The following NINL variants were observed in gnomAD, a reference collection of about 807,000 sequenced individuals.
The protein encoded by NINL is ninein like.
A neutral mutation model predicts 160.3 loss-of-function variants in NINL; 153 were observed. The ratio of observed to expected loss-of-function variants is 0.95; its 90% CI spans 0.84 to 1.09. The LOEUF (loss-of-function observed/expected upper bound fraction) is 1.09. Among genes scored for constraint, NINL ranks in the 50% least tolerant of loss-of-function variants. The probability of loss-of-function intolerance (pLI) is 0.00; values close to 1 mark genes in which losing one functional copy is unlikely to be tolerated. For missense variants in NINL, 1,829 were observed against 1,764.0 expected (o/e 1.04, Z -0.66); for synonymous variants, 800 against 734.8 (o/e 1.09, Z -1.43).
chr20:25,548,988 G>A (rs73597816), intron 1 of NINL, among the ~76,000 whole-genome samples: 4,604 of 50,724 alleles, frequency 0.091, 453 homozygotes, highest in African/African-American at 0.22. Flanking sequence ...AACCTCCTAC[G>A]CCCAGCCTCA....
Position 25,498,168 on chromosome 20 carries a change from C to T in NINL, c.1169+42G>A, listed in dbSNP as rs771682503. On this transcript the variant is annotated intron_variant, in intron 9 of 23. Coordinates refer to ENST00000278886, the MANE Select transcript of NINL (RefSeq NM_025176.6). ...AGACCCCCCTCCAGGCCCACCTGGCCAGCCACACTGCCACGTTCCCCAGTC... is the reference window on the plus strand; with the variant it reads ...AGACCCCCCTCCAGGCCCACCTGGCTAGCCACACTGCCACGTTCCCCAGTC... 1.9e-6 allele frequency: 3 copies of T among 1,606,892 alleles called. No homozygotes were observed. The East Asian group carries it at 6.7e-5, about 36-fold the overall frequency.
chr20:25,524,481 A>G (rs1161241840), intron 2 of NINL, among the ~76,000 whole-genome samples: 1 of 152,194 alleles, frequency 6.6e-6, no homozygotes, highest in African/African-American at 2.4e-5. Context: ...CTGAGTCAGA[A>G]AGGGCCCGGC....
chr20:25,520,859 G>A lies in NINL; in HGVS notation c.181-3010C>T, dbSNP rs1166328080. Among the ~76,000 whole-genome samples, 4 of 152,176 alleles carry A rather than the reference G, an allele frequency of 2.6e-5. No individual in the cohort carries two copies. In the East Asian group the frequency reaches 7.7e-4, roughly 29 times the overall value. On this transcript the variant is annotated intron_variant, in intron 2 of 23. Coordinates refer to ENST00000278886, the MANE Select transcript of NINL (RefSeq NM_025176.6). ...TGAGATCATTATAGATCCATATGCA[G>A]TTATAAGAAAAATACAAAGAGATCC...
At chr20:25,507,923 C>T (rs756103161) in intron 5 of NINL, among the ~76,000 whole-genome samples, 4 of 152,186 alleles carry the variant, frequency 2.6e-5, no homozygotes, top group African/African-American at 7.2e-5. Flanking sequence ...TGTGCACTAC[C>T]GTCTGTCAGC....
chr20:25,561,911 C>A (rs1387436105), intron 1 of NINL, among the ~76,000 whole-genome samples: 3 of 149,508 alleles, frequency 2.0e-5, no homozygotes, highest in Admixed American at 6.6e-5. Context: ...TGGGGGTCAG[C>A]CCCCGCCAGG....
At chr20:25,562,134 C>T (rs1464080931) in intron 1 of NINL, among the ~76,000 whole-genome samples, 1 of 145,160 alleles carries the variant, frequency 6.9e-6, no homozygotes, top group Non-Finnish European at 1.5e-5. Flanking sequence ...GGGGTGTCAG[C>T]CCCCCGCCAG....
intron 1 of NINL, among the ~76,000 whole-genome samples, chr20:25,526,911 A>G (rs1430195711): frequency 2.0e-5 from 3 of 152,180 alleles, no homozygotes; most frequent in Non-Finnish European, 4.4e-5. Context: ...CACGCTTGTA[A>G]TCCCAACACT....
intron 1 of NINL, among the ~76,000 whole-genome samples, chr20:25,553,236 G>A (rs551062705): frequency 2.2e-4 from 33 of 150,722 alleles, no homozygotes; most frequent in African/African-American, 8.0e-4. Context: ...CCAAGTGGGT[G>A]GGACTACAGG....
rs71185304 is a variant in NINL at position 25,542,697 on chromosome 20, TAAAAAAAAAAAAAAAAAAAAAAAAAAA to T, written c.-11-16126_-11-16100del. Among the ~76,000 whole-genome samples, 39 of 51,396 alleles carry T rather than the reference TAAAAAAAAAAAAAAAAAAAAAAAAAAA, an allele frequency of 7.6e-4. 1 individual carries two copies. The highest frequency in any genetic ancestry group is 2.7e-3 in the African/African-American group (32 of 11,692). The allele number at this position is 51,396 out of a possible 152,430, so 33.7% of individuals were successfully genotyped here. On this transcript the variant is annotated intron_variant, in intron 1 of 23. Coordinates refer to ENST00000278886, the MANE Select transcript of NINL (RefSeq NM_025176.6). ...ACTTCTCTAATAAACTTGCTTTCAC[TAAAAAAAAAAAAAAAAAAAAAAAAAAA>T]AAAAAAAAAAAAAAAAAAAAAAAAG...
intron 10 of NINL, among the ~76,000 whole-genome samples, chr20:25,495,494 G>C (rs2063734153): frequency 6.6e-6 from 1 of 152,190 alleles, no homozygotes. Context: ...TGCAGACCAA[G>C]AACCCAAGGG....
intron 14 of NINL, 121 bp from the exon 15 acceptor site, chr20:25,480,388 G>A (rs2063362614): frequency 4.3e-6 from 3 of 704,456 alleles, no homozygotes; most frequent in South Asian, 3.3e-5. Context: ...CTGGCTGTGA[G>A]GATGACGCTG....
chr20:25,482,926 A>G (rs868720431), intron 13 of NINL, among the ~76,000 whole-genome samples: 22 of 151,466 alleles, frequency 1.5e-4, no homozygotes, highest in African/African-American at 4.2e-4. Flanking sequence ...TGGGAGGCTG[A>G]GGCAGGAGAG....
intron 1 of NINL, among the ~76,000 whole-genome samples, chr20:25,543,639 G>C (rs563595679): frequency 6.6e-6 from 1 of 152,306 alleles, no homozygotes; most frequent in South Asian, 2.1e-4. Flanking sequence ...TTGGCTGTCC[G>C]CAACCAATCA....
In NINL at chr20:25,498,361, C is replaced by A; in HGVS notation, c.1033-15G>T. 6.2e-7 allele frequency: 1 copy of A among 1,611,678 alleles called. No homozygotes were observed. ...AAGTCCAGGCTCTGGAAGCAGCAAG[C>A]CTGGTAAGCAGGAGAGGCTGAGGGA... is the stretch of plus-strand genomic sequence containing the variant. On this transcript the variant is annotated splice_polypyrimidine_tract_variant and intron_variant, in intron 8 of 23. Transcript: ENST00000278886.
intron 21 of NINL, among the ~76,000 whole-genome samples, chr20:25,460,983 C>T (rs894898491): frequency 2.0e-5 from 3 of 152,224 alleles, no homozygotes; most frequent in African/African-American, 4.8e-5. Context: ...TCCCCTGAGC[C>T]GGCTCCCCTC....
At chr20:25,543,315 T>G (rs2064692793) in intron 1 of NINL, among the ~76,000 whole-genome samples, 1 of 152,148 alleles carries the variant, frequency 6.6e-6, no homozygotes, top group Non-Finnish European at 1.5e-5. Context: ...TTTGGGAGGC[T>G]AAGGCACACA....
At position 25,470,789 on chromosome 20, in the gene NINL, G is replaced by A. The variant is rs149535490; in HGVS notation, c.3249-694C>T. 2.0e-4 allele frequency among the ~76,000 whole-genome samples: 31 copies of A among 152,220 alleles called. No individual in the cohort carries two copies. The East Asian group carries it at 5.8e-3, about 28-fold the overall frequency. ...GCAGGAAGACTGCTTGAGCCCAGGA[G>A]TTTGAGACCCTCCTGGGCAACATAG... On this transcript the variant is annotated intron_variant, in intron 17 of 23. Coordinates refer to ENST00000278886, the MANE Select transcript of NINL (RefSeq NM_025176.6).
chr20:25,481,825 G>A, intron 14 of NINL, 143 bp downstream of exon 14: 2 of 1,235,164 alleles, frequency 1.6e-6, no homozygotes, highest in Non-Finnish European at 2.2e-6. Context: ...ATCCTCCTTG[G>A]AAAGTCCCTG....
At chr20:25,572,886 A>G in intron 1 of NINL, among the ~76,000 whole-genome samples, 1 of 152,214 alleles carries the variant, frequency 6.6e-6, no homozygotes. Context: ...AAAAAGCAAT[A>G]CTTCAACCAA....
Sources: gnomAD v4.1 joint callset for allele counts (sites outside exome capture counted in the v4.1 genomes callset) on GRCh38, gnomAD v4.1.1 for gene constraint, MANE v1.5 for transcripts, NCBI Gene and HGNC (gene_info 2026-07-23, HGNC 2026-07-21) for gene names.